DOCK2: variants seen among roughly 807,000 people sequenced by gnomAD.
DOCK2 encodes the protein dedicator of cytokinesis protein 2.
A neutral mutation model predicts 248.9 loss-of-function variants in DOCK2; 87 were observed. The observed-to-expected ratio is 0.35, with a 90% CI of 0.29 to 0.42. The LOEUF is 0.42. Ranked by LOEUF, DOCK2 falls within the 10% of genes least tolerant of loss-of-function variation. The pLI, the probability that DOCK2 is intolerant of heterozygous loss-of-function variation, is 1.00. For missense variants in DOCK2, 1,747 were observed against 2,300.2 expected (o/e 0.76, Z 4.92); for synonymous variants, 805 against 821.6 (o/e 0.98, Z 0.35).
intron 27 of DOCK2, among the ~76,000 whole-genome samples, chr5:169,905,044 C>T (rs574571037): frequency 6.6e-6 from 1 of 152,282 alleles, no homozygotes; most frequent in African/African-American, 2.4e-5. Context: ...TCATGACACT[C>T]TCATGGGGCT....
intron 27 of DOCK2, among the ~76,000 whole-genome samples, chr5:169,924,580 T>C (rs2113661283): frequency 6.6e-6 from 1 of 152,300 alleles, no homozygotes; most frequent in South Asian, 2.1e-4. Context: ...ACCCATCTCA[T>C]CTCTTCAGAG....
intron 9 of DOCK2, among the ~76,000 whole-genome samples, chr5:169,690,167 T>G (rs893458091): frequency 1.3e-5 from 2 of 151,856 alleles, no homozygotes; most frequent in Non-Finnish European, 2.9e-5. Flanking sequence ...CTCAGCCTCC[T>G]GAGTAGCTGG....
At chr5:169,732,469 T>C (rs1450846281) in intron 22 of DOCK2, among the ~76,000 whole-genome samples, 1 of 152,174 alleles carries the variant, frequency 6.6e-6, no homozygotes, top group East Asian at 1.9e-4. Flanking sequence ...TCCAGATCCA[T>C]ATATCCAATC....
intron 27 of DOCK2, among the ~76,000 whole-genome samples, chr5:169,905,649 T>G (rs1212217720): frequency 6.6e-6 from 1 of 151,976 alleles, no homozygotes; most frequent in Non-Finnish European, 1.5e-5. Flanking sequence ...GGGTGTGGGG[T>G]AGGCAGGGAC....
chr5:170,037,634 G>A (rs1394527870), intron 36 of DOCK2, among the ~76,000 whole-genome samples: 1 of 151,912 alleles, frequency 6.6e-6, no homozygotes, highest in African/African-American at 2.4e-5. Context: ...CTACAGGCCT[G>A]CACCACCACA....
chr5:169,787,041 T>C (rs893905789), intron 25 of DOCK2, among the ~76,000 whole-genome samples: 1 of 152,226 alleles, frequency 6.6e-6, no homozygotes, highest in African/African-American at 2.4e-5. Context: ...TCTTGTTTCA[T>C]TCTCACCAAG....
rs561957083 is a variant in DOCK2 at position 169,842,176 on chromosome 5, C to T, written c.2799+1324C>T. 2.2e-4 allele frequency among the ~76,000 whole-genome samples: 34 copies of T among 152,306 alleles called. No individual in the cohort carries two copies. The South Asian group carries it at 6.8e-3, about 31-fold the overall frequency. On this transcript the variant is annotated intron_variant, in intron 27 of 51. Transcript: ENST00000520908. ...TTATAAACACTTTGTGACTCCCAAA[C>T]AGCTGGATTCCCTTCAGAAAGCCAC... is the stretch of plus-strand genomic sequence containing the variant.
At chr5:170,044,708 C>T (rs554442800) in intron 38 of DOCK2, among the ~76,000 whole-genome samples, 10 of 152,296 alleles carry the variant, frequency 6.6e-5, no homozygotes, top group South Asian at 2.1e-4. Context: ...GGTTTACAGC[C>T]GTGGCTTCTC....
At chr5:170,044,006 A>C (rs1756609435) in intron 38 of DOCK2, among the ~76,000 whole-genome samples, 2 of 152,224 alleles carry the variant, frequency 1.3e-5, no homozygotes, top group South Asian at 4.1e-4. Flanking sequence ...GTACTTTGAG[A>C]GCAGAGAGGA....
chr5:169,965,053 C>T (rs562248510), intron 27 of DOCK2, among the ~76,000 whole-genome samples: 1 of 152,208 alleles, frequency 6.6e-6, no homozygotes. Context: ...TCTGTTGAAG[C>T]CCTACTGTGT....
intron 48 of DOCK2, among the ~76,000 whole-genome samples, chr5:170,078,225 C>T (rs1049335783): frequency 3.9e-5 from 6 of 152,270 alleles, no homozygotes; most frequent in Non-Finnish European, 7.4e-5. Context: ...TGGGATGTCT[C>T]CATTGCAGAG....
chr5:169,742,486 C>A (rs993339272), intron 22 of DOCK2, among the ~76,000 whole-genome samples: 1 of 152,108 alleles, frequency 6.6e-6, no homozygotes, highest in African/African-American at 2.4e-5. Flanking sequence ...TCTATTGCTT[C>A]GAAGAGTCAG....
intron 23 of DOCK2, among the ~76,000 whole-genome samples, chr5:169,749,136 C>G (rs1351197359): frequency 2.0e-5 from 3 of 152,232 alleles, no homozygotes; most frequent in African/African-American, 7.2e-5. Flanking sequence ...TTGAACATAA[C>G]TTTAAATTCT....
At chr5:169,711,808 A>G (rs565979741) in intron 15 of DOCK2, 127 bp from the exon 16 acceptor site, 2 of 883,578 alleles carry the variant, frequency 2.3e-6, no homozygotes, top group Admixed American at 2.0e-5. Flanking sequence ...GCCTCAATGG[A>G]TGGGTTGTAA....
At chr5:170,045,065 A>G (rs982207909) in intron 38 of DOCK2, among the ~76,000 whole-genome samples, 1 of 152,112 alleles carries the variant, frequency 6.6e-6, no homozygotes, top group Non-Finnish European at 1.5e-5. Flanking sequence ...TTCTCTTAAG[A>G]TGGAGAAGAC....
At chr5:169,740,764 G>A (rs757074556) in intron 22 of DOCK2, among the ~76,000 whole-genome samples, 1 of 152,186 alleles carries the variant, frequency 6.6e-6, no homozygotes, top group African/African-American at 2.4e-5. Flanking sequence ...TCTTCTGACA[G>A]AATAAATATT....
At chr5:169,853,662 G>C (rs568091519) in intron 27 of DOCK2, among the ~76,000 whole-genome samples, 33 of 152,024 alleles carry the variant, frequency 2.2e-4, no homozygotes, top group Non-Finnish European at 8.8e-5. Context: ...TCACCAGAGG[G>C]CTTCGATCTC....
intron 29 of DOCK2, 51 bp from the exon 30 acceptor site, chr5:169,996,035 A>C: frequency 6.3e-7 from 1 of 1,593,534 alleles, no homozygotes; most frequent in Non-Finnish European, 8.6e-7. Context: ...AGGACGAAGG[A>C]ACTTAAGGGA....
In DOCK2 at chr5:170,079,085, C is replaced by T; in HGVS notation, c.5105C>T (p.Thr1702Ile). ...AAGCTGCGGAGGTCCAAGAAGAGGA[C>T]AAAGAGAAGCAGCGTAGTTTTTGCG... The part of the protein sequence containing the change: ...EVKLRRSKKR[T>I]KRSSVVFADE... Residue 1702 changes from threonine (T) to isoleucine (I), a missense_variant, in exon 49 of 52, where the codon ACA becomes ATA. This residue lies in a region of DOCK2 where 513 missense variants were observed against 586.1 expected (regional missense o/e 0.88). Coordinates refer to ENST00000520908, the MANE Select transcript of DOCK2 (RefSeq NM_004946.3). 1 of 1,614,108 alleles carries T rather than the reference C, an allele frequency of 6.2e-7. No homozygotes were observed. The highest frequency in any genetic ancestry group is 8.5e-7 in the Non-Finnish European group (1 of 1,180,032).
Sources: gnomAD v4.1 joint callset for allele counts (sites outside exome capture counted in the v4.1 genomes callset) on GRCh38, gnomAD v4.1.1 for gene constraint, gnomAD v4.1.1 regional missense constraint, MANE v1.5 for transcripts, NCBI Gene and HGNC (gene_info 2026-07-23, HGNC 2026-07-21) for gene names.